CDH20: variants seen among roughly 807,000 people sequenced by gnomAD.
CDH20 encodes cadherin 20, also known as cadherin-20.
CDH20 carries 29 observed loss-of-function variants against 74.2 expected under a neutral mutation model. The ratio of observed to expected loss-of-function variants is 0.39; its 90% CI spans 0.29 to 0.53. CDH20 has a LOEUF of 0.53. Among genes scored for constraint, CDH20 ranks in the 20% least tolerant of loss-of-function variants. CDH20 has a pLI of 0.69. For missense variants in CDH20, 988 were observed against 1,048.3 expected (o/e 0.94, Z 0.79); for synonymous variants, 469 against 405.4 (o/e 1.16, Z -1.88).
At chr18:61,394,910 C>T (rs183363100) in intron 1 of CDH20, among the ~76,000 whole-genome samples, 7 of 151,980 alleles carry the variant, frequency 4.6e-5, no homozygotes, top group Admixed American at 1.3e-4. Flanking sequence ...CAATATTCTC[C>T]ACCTTTTCTT....
intron 1 of CDH20, among the ~76,000 whole-genome samples, chr18:61,345,577 T>G (rs1428270039): frequency 6.6e-6 from 1 of 152,216 alleles, no homozygotes; most frequent in Non-Finnish European, 1.5e-5. Context: ...AATTGGGGCT[T>G]GAAGAACATT....
At chr18:61,534,195 CACA>C (rs1219042453) in intron 7 of CDH20, among the ~76,000 whole-genome samples, 1 of 152,200 alleles carries the variant, frequency 6.6e-6, no homozygotes, top group Non-Finnish European at 1.5e-5. Context: ...GATATCACCT[CACA>C]ACGTTAGAAC....
In CDH20 at chr18:61,507,376, A is replaced by G; in HGVS notation, c.833A>G (p.His278Arg). 5 of 1,612,856 alleles carry G rather than the reference A, an allele frequency of 3.1e-6. No individual in the cohort carries two copies. Among genetic ancestry groups the G allele is most frequent in the Non-Finnish European group, 4.2e-6 (5 of 1,179,646 alleles). ...NDNPPRFPQK[H>R]YQMSVLESAP... ...GTGTCCTGGCTTTTCTTCGTAGAAC[A>G]TTACCAGATGAGTGTGTTGGAATCA... Residue 278 changes from histidine to arginine, a missense_variant, in exon 6 of 12, where the codon CAT becomes CGT. His to Arg is a conservative substitution (Grantham distance 29). This residue lies in a region of CDH20 where 613 missense variants were observed against 755.2 expected (regional missense o/e 0.81). Transcript: ENST00000262717.
At chr18:61,540,199 C>T (rs673401) in intron 9 of CDH20, among the ~76,000 whole-genome samples, 59,445 of 151,974 alleles carry the variant, frequency 0.39, 12,779 homozygotes, top group Non-Finnish European at 0.5. Flanking sequence ...TTCCCCACCC[C>T]AGTATATCCT....
chr18:61,504,327 G>A (rs1315832583), intron 5 of CDH20, among the ~76,000 whole-genome samples: 1 of 152,182 alleles, frequency 6.6e-6, no homozygotes, highest in Non-Finnish European at 1.5e-5. Flanking sequence ...GACAAATGAG[G>A]AAACATGGAC....
chr18:61,482,280 C>T (rs188492176), intron 1 of CDH20, among the ~76,000 whole-genome samples: 4 of 152,206 alleles, frequency 2.6e-5, no homozygotes, highest in African/African-American at 9.6e-5. Flanking sequence ...CGTATAAAAC[C>T]AAATTTATCA....
At chr18:61,550,250 C>T (rs1478643604) in intron 11 of CDH20, 21 bp downstream of exon 11, 1 of 1,605,248 alleles carries the variant, frequency 6.2e-7, no homozygotes. Context: ...GGCTGCTTTC[C>T]CTTCTGTGGA....
chr18:61,484,593 C>T (rs971652891), intron 1 of CDH20, among the ~76,000 whole-genome samples: 2 of 152,056 alleles, frequency 1.3e-5, no homozygotes, highest in Non-Finnish European at 2.9e-5. Flanking sequence ...TATTTATGAC[C>T]CAAGCTAGGG....
intron 1 of CDH20, among the ~76,000 whole-genome samples, chr18:61,399,878 G>A (rs1029796495): frequency 5.3e-5 from 8 of 152,130 alleles, no homozygotes; most frequent in Admixed American, 3.3e-4. Context: ...TCATCATTAA[G>A]CACCAAATAA....
Position 61,539,046 on chromosome 18 carries a change from T to C in CDH20, c.1431T>C (p.Ser477=). The change falls in exon 9 of 12, where the codon AGT becomes AGC. Residue 477 remains serine (S), a synonymous_variant. Transcript: ENST00000262717. ...TAGACAATCCCTCCCAGGTTGGAAG[T>C]GTTCCTGTCACAATCAAAGTCTTAG... ...MEMNNPSQVG[S]VPVTIKVLDV... The C allele has an allele frequency of 1.2e-6, 2 of 1,614,116 alleles. No homozygotes were observed. Among genetic ancestry groups the C allele is most frequent in the Non-Finnish European group, 1.7e-6 (2 of 1,179,984 alleles).
chr18:61,343,995 A>G (rs1246903251), intron 1 of CDH20, among the ~76,000 whole-genome samples: 1 of 152,174 alleles, frequency 6.6e-6, no homozygotes, highest in African/African-American at 2.4e-5. Flanking sequence ...GAGCACAGAC[A>G]TCAGATCAGG....
chr18:61,381,372 A>G (rs1911427573), intron 1 of CDH20, among the ~76,000 whole-genome samples: 1 of 152,234 alleles, frequency 6.6e-6, no homozygotes, highest in Non-Finnish European at 1.5e-5. Flanking sequence ...TGGGCAAGGA[A>G]TAATACAAAA....
intron 1 of CDH20, among the ~76,000 whole-genome samples, chr18:61,352,904 T>A (rs1403456281): frequency 6.6e-6 from 1 of 152,228 alleles, no homozygotes; most frequent in Non-Finnish European, 1.5e-5. Context: ...CTTGTTTTAT[T>A]GATCAAAATT....
chr18:61,540,822 C>A (rs922333905), intron 9 of CDH20, among the ~76,000 whole-genome samples: 4 of 152,154 alleles, frequency 2.6e-5, no homozygotes, highest in Non-Finnish European at 5.9e-5. Context: ...AAGATGGACT[C>A]GACGACACAT....
At chr18:61,502,175 G>C (rs1184294677) in intron 4 of CDH20, among the ~76,000 whole-genome samples, 1 of 152,070 alleles carries the variant, frequency 6.6e-6, no homozygotes, top group Non-Finnish European at 1.5e-5. Flanking sequence ...AAGTTGCAGG[G>C]TTAAAAGGGA....
At chr18:61,550,697 G>A (rs913707436) in intron 11 of CDH20, among the ~76,000 whole-genome samples, 3 of 152,184 alleles carry the variant, frequency 2.0e-5, no homozygotes, top group African/African-American at 7.2e-5. Context: ...AATGCAGGCA[G>A]GCTATATACA....
chr18:61,476,997 C>A (rs1430425791), intron 1 of CDH20, among the ~76,000 whole-genome samples: 2 of 152,154 alleles, frequency 1.3e-5, no homozygotes, highest in Non-Finnish European at 2.9e-5. Context: ...ATTGAGAACA[C>A]CTCGCACACT....
At position 61,536,498 on chromosome 18, in the gene CDH20, C is replaced by T. The variant is rs775101765; in HGVS notation, c.1277C>T (p.Ser426Phe). ...PDVTNNSIRYSIDRSSDPGRF... is the reference protein window; with the variant it reads ...PDVTNNSIRYFIDRSSDPGRF... ...CGTAATCCATGTTTCTGCAGATACTCCATTGATAGAAGCAGTGACCCTGGA... is the reference window on the plus strand; with the variant it reads ...CGTAATCCATGTTTCTGCAGATACTTCATTGATAGAAGCAGTGACCCTGGA... Residue 426 changes from serine to phenylalanine, a missense_variant, in exon 8 of 12, where the codon TCC becomes TTC. Around this residue, in one of 2 missense-constraint regions of CDH20, gnomAD observed 613 missense variants for 755.2 expected, o/e 0.81. Coordinates refer to ENST00000262717, the MANE Select transcript of CDH20 (RefSeq NM_031891.4). 3 of 1,613,464 alleles carry T rather than the reference C, an allele frequency of 1.9e-6. No homozygotes were observed. The highest frequency in any genetic ancestry group is 2.5e-6 in the Non-Finnish European group (3 of 1,179,596).
intron 1 of CDH20, among the ~76,000 whole-genome samples, chr18:61,404,099 G>A (rs1273637935): frequency 6.6e-6 from 1 of 152,152 alleles, no homozygotes; most frequent in Non-Finnish European, 1.5e-5. Context: ...GAGAGCATCA[G>A]GATAAATAGC....
Sources: gnomAD v4.1 joint callset for allele counts (sites outside exome capture counted in the v4.1 genomes callset) on GRCh38, gnomAD v4.1.1 for gene constraint, gnomAD v4.1.1 regional missense constraint, MANE v1.5 for transcripts, NCBI Gene and HGNC (gene_info 2026-07-23, HGNC 2026-07-21) for gene names.